Variants in CTNNA2 observed in about 807,000 individuals in gnomAD.
The protein encoded by CTNNA2 is catenin alpha-2.
Under a neutral mutation model 101.0 loss-of-function variants are expected in CTNNA2, and 42 were observed. That is an observed-to-expected ratio of 0.42 (90% CI 0.32 to 0.54). The LOEUF (loss-of-function observed/expected upper bound fraction) is 0.54, where lower values mean the gene tolerates loss of function less well. Ranked by LOEUF, CTNNA2 falls within the 20% of genes least tolerant of loss-of-function variation. The pLI is 0.14. For missense variants in CTNNA2, 871 were observed against 1,223.1 expected (o/e 0.71, Z 4.29); for synonymous variants, 450 against 456.4 (o/e 0.99, Z 0.18).
At chr2:79,873,638 G>A (rs1046140099) in intron 5 of CTNNA2, among the ~76,000 whole-genome samples, 1 of 152,116 alleles carries the variant, frequency 6.6e-6, no homozygotes, top group Non-Finnish European at 1.5e-5. Context: ...GTTGCTCATG[G>A]CTGTCATTCC....
chr2:80,161,578 G>A (rs1287994679), intron 7 of CTNNA2, among the ~76,000 whole-genome samples: 2 of 152,080 alleles, frequency 1.3e-5, no homozygotes, highest in African/African-American at 2.4e-5. Flanking sequence ...TCCATTACAT[G>A]TGTCTTTGTA....
chr2:80,596,516 G>A (rs1334864684), intron 15 of CTNNA2, among the ~76,000 whole-genome samples: 2 of 151,278 alleles, frequency 1.3e-5, no homozygotes, highest in East Asian at 2.0e-4. Flanking sequence ...GCTTCACCGT[G>A]TTCGCCAGGA....
intron 15 of CTNNA2, among the ~76,000 whole-genome samples, chr2:80,601,026 T>C (rs1430870608): frequency 6.6e-6 from 1 of 152,194 alleles, no homozygotes; most frequent in Non-Finnish European, 1.5e-5. Flanking sequence ...GAAAAAGCCC[T>C]GAACTTTGTA....
intron 4 of CTNNA2, among the ~76,000 whole-genome samples, chr2:79,498,606 C>G (rs1455148343): frequency 6.6e-6 from 1 of 152,088 alleles, no homozygotes; most frequent in Admixed American, 6.6e-5. Flanking sequence ...AAAAAAAACC[C>G]TTAGGTACAA....
chr2:79,548,408 C>A (rs1302606502), intron 1 of CTNNA2, among the ~76,000 whole-genome samples: 1 of 152,176 alleles, frequency 6.6e-6, no homozygotes, highest in Non-Finnish European at 1.5e-5. Flanking sequence ...TATGAGAAAT[C>A]ATTCCTTTCC....
Position 79,828,781 on chromosome 2 carries a change from C to T in CTNNA2, c.299-29232C>T, listed in dbSNP as rs564007389. ...TAACAACATCAGCATCACCTGAGAA[C>T]CTGTTAGAAATGCAAATTCTCGGCC... On this transcript the variant is annotated intron_variant, in intron 3 of 18. Coordinates refer to ENST00000402739, the MANE Select transcript of CTNNA2 (RefSeq NM_001282597.3). Among the ~76,000 whole-genome samples, 4 of 152,300 alleles carry T rather than the reference C, an allele frequency of 2.6e-5. No individual in the cohort carries two copies. In the South Asian group the frequency reaches 8.3e-4, roughly 32 times the overall value.
At chr2:80,512,927 C>G (rs905353153) in intron 9 of CTNNA2, among the ~76,000 whole-genome samples, 1 of 151,786 alleles carries the variant, frequency 6.6e-6, no homozygotes, top group Non-Finnish European at 1.5e-5. Flanking sequence ...CAATTTTTGT[C>G]CCTTTGAAAA....
chr2:80,099,469 C>T (rs112345980), intron 7 of CTNNA2, among the ~76,000 whole-genome samples: 40 of 152,248 alleles, frequency 2.6e-4, no homozygotes, highest in African/African-American at 8.4e-4. Context: ...TCCTCTCTTG[C>T]GAGAAACAAT....
intron 7 of CTNNA2, among the ~76,000 whole-genome samples, chr2:80,322,700 G>C (rs912434958): frequency 6.6e-6 from 1 of 152,130 alleles, no homozygotes; most frequent in Non-Finnish European, 1.5e-5. Flanking sequence ...TGCCAGTGTC[G>C]CCTTGTCCAT....
At chr2:79,258,282 A>G (rs1573002386) in intron 2 of CTNNA2, among the ~76,000 whole-genome samples, 1 of 152,200 alleles carries the variant, frequency 6.6e-6, no homozygotes, top group Non-Finnish European at 1.5e-5. Flanking sequence ...TCTTGAAGCA[A>G]TTAGAATATT....
Position 80,464,699 on chromosome 2 carries a change from A to G in CTNNA2, c.1290+45098A>G, listed in dbSNP as rs113778783. On this transcript the variant is annotated intron_variant, in intron 9 of 18. Coordinates refer to ENST00000402739, the MANE Select transcript of CTNNA2 (RefSeq NM_001282597.3). ...CTGGCATGCACAATGTTCCTATATCACTTTGGGACGAGACCTTGTTTATGT... is the reference window on the plus strand; with the variant it reads ...CTGGCATGCACAATGTTCCTATATCGCTTTGGGACGAGACCTTGTTTATGT... Among the ~76,000 whole-genome samples, 602 of 152,062 alleles carry G rather than the reference A, an allele frequency of 4.0e-3. 1 individual carries two copies. The highest frequency in any genetic ancestry group is 0.014 in the African/African-American group (585 of 41,466).
chr2:79,404,441 G>A (rs764636459), intron 4 of CTNNA2, among the ~76,000 whole-genome samples: 1 of 151,932 alleles, frequency 6.6e-6, no homozygotes, highest in Non-Finnish European at 1.5e-5. Context: ...TTTGCTTTTG[G>A]ATTTGTTATT....
chr2:79,736,196 C>T (rs1473572825), intron 2 of CTNNA2, among the ~76,000 whole-genome samples: 1 of 152,160 alleles, frequency 6.6e-6, no homozygotes, highest in Non-Finnish European at 1.5e-5. Context: ...ATGTGTACAA[C>T]ATACAACATA....
At chr2:79,294,240 AGGAGGAGGAGGAGGAGG>A (rs1558610723) in intron 2 of CTNNA2, among the ~76,000 whole-genome samples, 6 of 132,762 alleles carry the variant, frequency 4.5e-5, no homozygotes. Context: ...GAAGAAGAAG[AGGAGGAGGAGGAGGAGG>A]AGGAGAAGTT....
intron 7 of CTNNA2, among the ~76,000 whole-genome samples, chr2:80,125,897 G>A (rs906160380): frequency 6.6e-6 from 1 of 152,178 alleles, no homozygotes; most frequent in African/African-American, 2.4e-5. Context: ...GGGAGGCAAA[G>A]GCTATTGTAC....
In CTNNA2 at chr2:79,216,134, G is replaced by A. The variant is rs537770190; in HGVS notation, c.-406+18058G>A. ...CTTGTAGGATGGAAAAAATGAAAGT[G>A]CCATTTTCTGGCTATTTGGAACGGC... On this transcript the variant is annotated intron_variant, in intron 2 of 21. Transcript: ENST00000466387. Among the ~76,000 whole-genome samples the A allele has an allele frequency of 3.9e-5, 6 of 152,242 alleles. No homozygotes were observed. The South Asian group carries it at 8.3e-4, about 21-fold the overall frequency.
At chr2:80,509,602 G>A (rs540338555) in intron 9 of CTNNA2, among the ~76,000 whole-genome samples, 3 of 152,212 alleles carry the variant, frequency 2.0e-5, no homozygotes, top group South Asian at 2.1e-4. Flanking sequence ...CTTGGGGTCC[G>A]TGGGTACTTG....
intron 1 of CTNNA2, among the ~76,000 whole-genome samples, chr2:79,521,164 A>G (rs976999742): frequency 1.2e-5 from 1 of 85,578 alleles, no homozygotes; most frequent in Non-Finnish European, 2.3e-5. Context: ...ATATATATAT[A>G]TATAAATTTT....
intron 2 of CTNNA2, among the ~76,000 whole-genome samples, chr2:79,716,573 C>A (rs1215654436): frequency 6.6e-6 from 1 of 152,134 alleles, no homozygotes; most frequent in Admixed American, 6.6e-5. Context: ...GTTTTCTGTT[C>A]CTGCATTAGT....
Sources: allele counts gnomAD v4.1 joint callset (sites outside exome capture counted in the v4.1 genomes callset), GRCh38; gene constraint gnomAD v4.1.1; transcripts MANE v1.5; gene names NCBI Gene and HGNC (gene_info 2026-07-23, HGNC 2026-07-21).